The following MGRN1 variants were observed in gnomAD, a reference collection of about 807,000 sequenced individuals.
The protein encoded by MGRN1 is mahogunin ring finger 1, also known as E3 ubiquitin-protein ligase MGRN1.
In MGRN1, 29 loss-of-function variants were observed where a neutral mutation model predicts 69.2. That is an observed-to-expected ratio of 0.42 (90% CI 0.31 to 0.57). MGRN1 has a LOEUF of 0.57. MGRN1 is among the 20% of genes least tolerant of loss of function. MGRN1 has a pLI of 0.15. For synonymous variants in MGRN1, 470 were observed against 344.2 expected (o/e 1.37, Z -4.04); for missense variants, 998 against 796.2 (o/e 1.25, Z -3.05).
At chr16:4,674,626 C>CTTTCTTTTT (rs2079014994) in intron 10 of MGRN1, among the ~76,000 whole-genome samples, 1 of 47,254 alleles carries the variant, frequency 2.1e-5, no homozygotes, top group Admixed American at 3.4e-4. Context: ...CTTTTCTTTT[C>CTTTCTTTTT]TTTTTTTTTT....
In MGRN1 at chr16:4,689,067, C is replaced by T. The variant is rs1290020651; in HGVS notation, c.*159C>T. On this transcript the variant is annotated 3_prime_UTR_variant, in exon 17 of 17. Coordinates refer to ENST00000262370, the MANE Select transcript of MGRN1 (RefSeq NM_015246.4). ...ACTCTTGATCAAAGAGCACAGTGAA[C>T]TGTCCCTTCTGAGTCTCCCTTTTCT... 13 of 954,962 alleles carry T rather than the reference C, an allele frequency of 1.4e-5. No homozygotes were observed. Among genetic ancestry groups the T allele is most frequent in the South Asian group, 4.0e-5 (2 of 50,160 alleles). 59.2% of individuals were successfully genotyped at this position (954,962 alleles called of 1,614,324 possible).
chr16:4,671,072 C>T (rs963643168), intron 8 of MGRN1, among the ~76,000 whole-genome samples: 1 of 151,674 alleles, frequency 6.6e-6, no homozygotes, highest in Non-Finnish European at 1.5e-5. Flanking sequence ...CTGCTTTCCT[C>T]GTGGGGCTGG....
chr16:4,676,669 T>C (rs2079059718), intron 10 of MGRN1, among the ~76,000 whole-genome samples: 2 of 152,132 alleles, frequency 1.3e-5, no homozygotes, highest in Non-Finnish European at 2.9e-5. Context: ...TTTGGTGGTT[T>C]GGTGGTTCGG....
intron 8 of MGRN1, among the ~76,000 whole-genome samples, chr16:4,668,681 C>T (rs2078865275): frequency 6.6e-6 from 1 of 151,558 alleles, no homozygotes; most frequent in South Asian, 2.1e-4. Flanking sequence ...TATACATAGA[C>T]ACACTCGTAC....
intron 9 of MGRN1, chr16:4,672,590 C>T (rs931497775): frequency 1.3e-5 from 5 of 394,886 alleles, no homozygotes; most frequent in South Asian, 3.7e-5. Flanking sequence ...TGTTTTCAGC[C>T]GCCCGGGCAT....
chr16:4,654,332 G>T (rs530144952), intron 4 of MGRN1, among the ~76,000 whole-genome samples: 2 of 152,220 alleles, frequency 1.3e-5, no homozygotes, highest in Admixed American at 6.5e-5. Flanking sequence ...GTCAGGAACT[G>T]GGGCTGGGAC....
chr16:4,671,455 C>A lies in MGRN1; in HGVS notation c.791C>A (p.Thr264Asn). 1 of 1,614,004 alleles carries A rather than the reference C, an allele frequency of 6.2e-7. No homozygotes were observed. The highest frequency in any genetic ancestry group is 8.5e-7 in the Non-Finnish European group (1 of 1,179,908). The change falls in exon 9 of 17, where the codon ACC (threonine) becomes AAC (asparagine). Residue 264 changes from threonine to asparagine, a missense_variant. By Grantham distance (65) the Thr-to-Asn change is moderately conservative. Transcript: ENST00000262370. ...ATTGAGAACAAGAACAACCAGGAGA[C>A]CAAGGTGTGTATCTGGGTGAGGTTT... ...YGIENKNNQE[T>N]KPSDDENSDN...
chr16:4,673,462 G>C (rs568811533), intron 9 of MGRN1, 36 bp from the exon 10 acceptor site: 1 of 1,603,094 alleles, frequency 6.2e-7, no homozygotes, highest in East Asian at 2.2e-5. Context: ...TCTGGCCTTT[G>C]GGAGGCTGCT....
chr16:4,651,362 CAATT>C (rs765388023), intron 2 of MGRN1, among the ~76,000 whole-genome samples: 1 of 152,116 alleles, frequency 6.6e-6, no homozygotes, highest in Non-Finnish European at 1.5e-5. Flanking sequence ...GGGGCGTAGA[CAATT>C]AATACGGGAC....
Position 4,690,599 on chromosome 16 carries a change from C to T in MGRN1, c.*1691C>T, listed in dbSNP as rs2079434011. On this transcript the variant is annotated 3_prime_UTR_variant, in exon 17 of 17. Transcript: ENST00000262370. ...ACGCCCACTTGCACATGCTCACGCA[C>T]ATGTTCACACATGCACACTCACGCT... The T allele has an allele frequency of 6.6e-6, 1 of 152,420 alleles. No individual in the cohort carries two copies. The highest frequency in any genetic ancestry group is 1.5e-5 in the Non-Finnish European group (1 of 68,162). 9.4% of individuals were successfully genotyped at this position (152,420 alleles called of 1,614,324 possible). A position where few individuals can be genotyped will look rare whatever the true frequency, so the allele number is the denominator to read the frequency against.
At chr16:4,653,950 T>C (rs1420654684) in intron 4 of MGRN1, among the ~76,000 whole-genome samples, 2 of 152,058 alleles carry the variant, frequency 1.3e-5, no homozygotes, top group African/African-American at 4.8e-5. Flanking sequence ...CGGGGTTTCA[T>C]CATGTTGGTC....
At chr16:4,678,121 A>G (rs2079093674) in intron 11 of MGRN1, among the ~76,000 whole-genome samples, 1 of 152,170 alleles carries the variant, frequency 6.6e-6, no homozygotes, top group African/African-American at 2.4e-5. Flanking sequence ...TGCTGGGATT[A>G]CAGGCCTGAG....
chr16:4,638,995 C>T (rs540842516), intron 1 of MGRN1, among the ~76,000 whole-genome samples: 1 of 152,246 alleles, frequency 6.6e-6, no homozygotes, highest in East Asian at 1.9e-4. Context: ...GCTCTGGAGT[C>T]TGCCCAGGGG....
chr16:4,687,820 A>G, intron 16 of MGRN1: 2 of 985,364 alleles, frequency 2.0e-6, no homozygotes, highest in Non-Finnish European at 2.4e-6. Context: ...GTCAGGGAGA[A>G]CTTCGCTTCT....
intron 5 of MGRN1, among the ~76,000 whole-genome samples, chr16:4,660,904 C>A (rs560921652): frequency 6.6e-6 from 1 of 152,190 alleles, no homozygotes; most frequent in African/African-American, 2.4e-5. Flanking sequence ...CTGTGGTATC[C>A]CTCAGACGGC....
rs974850305 is a variant in MGRN1 at position 4,625,165 on chromosome 16, G to C, written c.88+117G>C. 1.9e-5 allele frequency: 19 copies of C among 976,504 alleles called. No individual in the cohort carries two copies. The African/African-American group carries it at 2.8e-4, about 14-fold the overall frequency. 60.5% of individuals were successfully genotyped at this position (976,504 alleles called of 1,614,324 possible). On this transcript the variant is annotated intron_variant, in intron 1 of 16. Transcript: ENST00000262370. Reference sequence around the variant, plus strand: ...TGCTCGGCCCCCTCCGGGCCTCGTTGCTACCCCGAGCCTTCGCGCGGCCCC... The same window carrying C: ...TGCTCGGCCCCCTCCGGGCCTCGTTCCTACCCCGAGCCTTCGCGCGGCCCC...
intron 16 of MGRN1, chr16:4,686,990 T>G (rs1482453279): frequency 2.0e-6 from 2 of 985,406 alleles, no homozygotes; most frequent in African/African-American, 3.5e-5. Flanking sequence ...CCTGAGGGCG[T>G]CCGCTCACAC....
Position 4,682,859 on chromosome 16 carries a change from G to A in MGRN1, c.1395G>A (p.Glu465=), listed in dbSNP as rs577926746. The change falls in exon 14 of 17, where the codon GAG becomes GAA. Residue 465 remains glutamate (E), a synonymous_variant. Transcript: ENST00000262370. ...LRSPSSPIHE[E]DEEKLSEDVD... Reference sequence around the variant, plus strand: ...CCCCGTCTTCCCCCATCCACGAAGAGGATGAGGAGAAGCTCTCCGAGGACG... The same window carrying A: ...CCCCGTCTTCCCCCATCCACGAAGAAGATGAGGAGAAGCTCTCCGAGGACG... The A allele has an allele frequency of 1.2e-6, 2 of 1,608,500 alleles. No individual in the cohort carries two copies. The highest frequency in any genetic ancestry group is 4.5e-5 in the East Asian group (2 of 44,666).
intron 5 of MGRN1, among the ~76,000 whole-genome samples, chr16:4,658,642 G>C (rs920429353): frequency 4.6e-5 from 7 of 152,006 alleles, no homozygotes; most frequent in African/African-American, 1.7e-4. Flanking sequence ...CTTACGCTGG[G>C]GCCAGTCCTG....
Sources: allele counts gnomAD v4.1 joint callset (sites outside exome capture counted in the v4.1 genomes callset), GRCh38; gene constraint gnomAD v4.1.1; transcripts MANE v1.5; gene names NCBI Gene and HGNC (gene_info 2026-07-23, HGNC 2026-07-21).